Variants in RASSF8 observed in about 807,000 individuals in gnomAD.
The protein encoded by RASSF8 is Ras association domain family member 8.
Under a neutral mutation model 48.5 loss-of-function variants are expected in RASSF8, and 22 were observed. That is an observed-to-expected ratio of 0.45 (90% CI 0.32 to 0.65). The LOEUF (loss-of-function observed/expected upper bound fraction) is 0.65, where lower values mean the gene tolerates loss of function less well. Among genes scored for constraint, RASSF8 ranks in the 30% least tolerant of loss-of-function variants. The pLI is 0.03. For missense variants in RASSF8, 418 were observed against 489.2 expected, an observed-to-expected ratio of 0.85 and a Z score of 1.37; for synonymous variants, 127 against 171.5, an observed-to-expected ratio of 0.74 and a Z score of 2.03.
rs1365973059 is a variant in RASSF8 at position 26,064,577 on chromosome 12, A to C, written c.183A>C (p.Ile61=). The C allele has an allele frequency of 1.9e-6, 3 of 1,613,934 alleles. No individual in the cohort carries two copies. Among genetic ancestry groups the C allele is most frequent in the Non-Finnish European group, 2.5e-6 (3 of 1,179,996 alleles). The change falls in exon 4 of 6, where the codon ATA becomes ATC. Residue 61 remains isoleucine, a synonymous_variant. Coordinates refer to ENST00000689635, the MANE Select transcript of RASSF8 (RefSeq NM_001394098.1). The stretch of plus-strand genomic sequence containing the variant: ...TAGCACCTCATGAAAATCCTATCAT[A>C]TCCTTAAACAAATGGGGGCAGTATG... ...RHLAPHENPI[I]SLNKWGQYAS... is the part of the protein sequence containing the mutation.
intron 2 of RASSF8, among the ~76,000 whole-genome samples, chr12:26,025,595 A>G (rs555963948): frequency 1.3e-5 from 2 of 151,588 alleles, no homozygotes; most frequent in African/African-American, 4.8e-5. Context: ...TCAGATTGGA[A>G]AGGAAAAAGA....
intron 1 of RASSF8, among the ~76,000 whole-genome samples, chr12:25,962,843 G>A (rs1017354605): frequency 1.4e-4 from 22 of 152,044 alleles, no homozygotes; most frequent in African/African-American, 4.8e-4. Flanking sequence ...AATATGAAAC[G>A]GCCTTTGCAA....
chr12:25,996,576 T>G (rs1942139069), intron 2 of RASSF8, among the ~76,000 whole-genome samples: 1 of 152,166 alleles, frequency 6.6e-6, no homozygotes, highest in Non-Finnish European at 1.5e-5. Flanking sequence ...TTTGATTGAT[T>G]GGGGATTGCT....
At chr12:26,058,155 A>G (rs958047669) in intron 3 of RASSF8, among the ~76,000 whole-genome samples, 3 of 152,220 alleles carry the variant, frequency 2.0e-5, no homozygotes, top group African/African-American at 7.2e-5. Context: ...GCTGTTTTGA[A>G]AAGTTGACAA....
intron 3 of RASSF8, among the ~76,000 whole-genome samples, chr12:26,057,053 A>G (rs1486911202): frequency 6.6e-6 from 1 of 151,976 alleles, no homozygotes; most frequent in African/African-American, 2.4e-5. Flanking sequence ...ACAAAAGTCA[A>G]GGTAGTTGAG....
intron 1 of RASSF8, among the ~76,000 whole-genome samples, chr12:25,968,317 CTCTT>C (rs1338190409): frequency 2.0e-5 from 3 of 151,958 alleles, no homozygotes; most frequent in African/African-American, 4.8e-5. Context: ...CTTGGCATCA[CTCTT>C]TCTTTGTTCT....
At chr12:26,052,067 A>G (rs1943503093) in intron 2 of RASSF8, among the ~76,000 whole-genome samples, 1 of 152,216 alleles carries the variant, frequency 6.6e-6, no homozygotes, top group Admixed American at 6.5e-5. Context: ...AGGCAATGTC[A>G]CCTTGTTCAG....
chr12:25,959,212 C>T (rs1941164902), intron 1 of RASSF8, 64 bp downstream of exon 1: 3 of 152,474 alleles, frequency 2.0e-5, no homozygotes, highest in African/African-American at 7.2e-5. Context: ...CCCGTCCCGC[C>T]TGCAGCCTCG....
At chr12:26,061,814 AT>A (rs1483212650) in intron 3 of RASSF8, among the ~76,000 whole-genome samples, 1 of 152,168 alleles carries the variant, frequency 6.6e-6, no homozygotes, top group African/African-American at 2.4e-5. Context: ...AATCAAATCT[AT>A]TAATTCATTT....
chr12:25,995,353 A>G (rs1942109112), intron 2 of RASSF8, among the ~76,000 whole-genome samples: 1 of 152,240 alleles, frequency 6.6e-6, no homozygotes, highest in Non-Finnish European at 1.5e-5. Flanking sequence ...CTAGGTCCAA[A>G]TTTGGGTCGA....
intron 2 of RASSF8, chr12:26,020,163 G>A (rs1337474986): frequency 1.3e-5 from 2 of 152,192 alleles, no homozygotes; most frequent in African/African-American, 4.8e-5. Context: ...TAGAGGCACA[G>A]AAGATGATGA....
chr12:25,973,523 G>A (rs998589126), intron 1 of RASSF8, among the ~76,000 whole-genome samples: 1 of 152,200 alleles, frequency 6.6e-6, no homozygotes, highest in African/African-American at 2.4e-5. Context: ...AACTTGAGAT[G>A]CTGAGTTTGT....
chr12:26,003,791 T>C (rs1213030894), intron 2 of RASSF8, among the ~76,000 whole-genome samples: 15 of 152,094 alleles, frequency 9.9e-5, no homozygotes, highest in Non-Finnish European at 7.4e-5. Context: ...TTTAAAAAAA[T>C]CTAAGGTTGA....
At chr12:26,004,542 A>C (rs1398995265) in intron 2 of RASSF8, among the ~76,000 whole-genome samples, 1 of 152,158 alleles carries the variant, frequency 6.6e-6, no homozygotes, top group African/African-American at 2.4e-5. Flanking sequence ...AATAACATAC[A>C]CTGTCAATTA....
intron 1 of RASSF8, among the ~76,000 whole-genome samples, chr12:25,967,801 T>C (rs1032458408): frequency 1.3e-5 from 2 of 152,236 alleles, no homozygotes; most frequent in African/African-American, 2.4e-5. Flanking sequence ...GCCTCTGCTC[T>C]CTGGGGAGGA....
At chr12:26,073,819 CA>C (rs1565653955), downstream of RASSF8, among the ~76,000 whole-genome samples, 1 of 85,776 alleles carries the variant, frequency 1.2e-5, no homozygotes, top group Non-Finnish European at 2.0e-5. Context: ...TATATATACA[CA>C]TACACACACA....
At chr12:26,025,391 A>G (rs1021317321) in intron 2 of RASSF8, among the ~76,000 whole-genome samples, 11 of 151,756 alleles carry the variant, frequency 7.2e-5, no homozygotes, top group Non-Finnish European at 1.6e-4. Flanking sequence ...CCCCGTCTCT[A>G]CTAAAAATAC....
chr12:26,069,569 A>T lies in RASSF8; in HGVS notation c.*751A>T, dbSNP rs1417946117. ...TTCAGACACTGTTGAACAAAAATGT[A>T]ATTGGTAAGTATGTATCCAAACAGG... On this transcript the variant is annotated 3_prime_UTR_variant, in exon 6 of 6. Transcript: ENST00000689635. 1 of 985,342 alleles carries T rather than the reference A, an allele frequency of 1.0e-6. No individual in the cohort carries two copies. Among genetic ancestry groups the T allele is most frequent in the Non-Finnish European group, 1.2e-6 (1 of 829,948 alleles). 61.0% of individuals were successfully genotyped at this position (985,342 alleles called of 1,614,324 possible). A position where few individuals can be genotyped will look rare whatever the true frequency, so the allele number is the denominator to read the frequency against.
chr12:25,964,907 T>C (rs1941321337), intron 1 of RASSF8, among the ~76,000 whole-genome samples: 1 of 152,172 alleles, frequency 6.6e-6, no homozygotes, highest in Admixed American at 6.5e-5. Flanking sequence ...ATGACTTCCC[T>C]TATATTTCTT....
Sources: gnomAD v4.1 joint callset for allele counts (sites outside exome capture counted in the v4.1 genomes callset) on GRCh38, gnomAD v4.1.1 for gene constraint, MANE v1.5 for transcripts, NCBI Gene and HGNC (gene_info 2026-07-23, HGNC 2026-07-21) for gene names.